CAMTA1: variants seen among roughly 807,000 people sequenced by gnomAD.
CAMTA1 encodes calmodulin binding transcription activator 1.
CAMTA1 carries 27 observed loss-of-function variants against 170.9 expected under a neutral mutation model. The observed-to-expected ratio is 0.16, with a 90% CI of 0.12 to 0.22. CAMTA1 has a LOEUF of 0.22. Ranked by LOEUF, CAMTA1 falls within the 10% of genes least tolerant of loss-of-function variation. The probability of loss-of-function intolerance (pLI) is 1.00; values close to 1 mark genes in which losing one functional copy is unlikely to be tolerated. For missense variants in CAMTA1, 1,619 were observed against 2,217.2 expected (o/e 0.73, Z 5.42); for synonymous variants, 833 against 891.5 (o/e 0.93, Z 1.17).
At chr1:7,262,847 GT>G (rs1328596008) in intron 5 of CAMTA1, among the ~76,000 whole-genome samples, 1 of 152,156 alleles carries the variant, frequency 6.6e-6, no homozygotes, top group Non-Finnish European at 1.5e-5. Context: ...AGCACTTCTG[GT>G]GTCTGATGAA....
intron 11 of CAMTA1, among the ~76,000 whole-genome samples, chr1:7,683,032 G>A (rs542633930): frequency 1.5e-4 from 23 of 152,150 alleles, no homozygotes; most frequent in African/African-American, 4.3e-4. Flanking sequence ...AAAATTAGCC[G>A]GGCGTGGTGG....
intron 6 of CAMTA1, among the ~76,000 whole-genome samples, chr1:7,493,851 C>T (rs1212315140): frequency 4.6e-5 from 7 of 152,134 alleles, no homozygotes; most frequent in South Asian, 2.1e-4. Flanking sequence ...TTGGGGGTCA[C>T]GTGGCACCTG....
At position 7,738,968 on chromosome 1, in the gene CAMTA1, C is replaced by T. The variant is rs114035589; in HGVS notation, c.4182+486C>T. On this transcript the variant is annotated intron_variant, in intron 16 of 22. Coordinates refer to ENST00000303635, the MANE Select transcript of CAMTA1 (RefSeq NM_015215.4). This position sits in a 1 kb window ranked among gnomAD's most constrained non-coding sequence, Gnocchi z 4.9. Reference sequence around the variant, plus strand: ...TGGCGTGAGGCTCTCACGAGGGCAGCGAAATATTCCTGAAGCTGATAATTG... The same window carrying T: ...TGGCGTGAGGCTCTCACGAGGGCAGTGAAATATTCCTGAAGCTGATAATTG... 4.4e-3 allele frequency among the ~76,000 whole-genome samples: 668 copies of T among 152,088 alleles called. 5 individuals carry two copies. Among genetic ancestry groups the T allele is most frequent in the African/African-American group, 0.015 (639 of 41,488 alleles).
chr1:7,356,019 C>T (rs2085086927), intron 5 of CAMTA1, among the ~76,000 whole-genome samples: 1 of 152,246 alleles, frequency 6.6e-6, no homozygotes, highest in African/African-American at 2.4e-5. Flanking sequence ...GAAAGGTTCA[C>T]CAACCATCCA....
chr1:7,025,353 TC>T (rs1172886613), intron 3 of CAMTA1, among the ~76,000 whole-genome samples: 1 of 152,194 alleles, frequency 6.6e-6, no homozygotes, highest in Non-Finnish European at 1.5e-5. Flanking sequence ...GGAAGGGTGG[TC>T]CCATCATCAG....
chr1:7,767,665 A>G lies in CAMTA1; in HGVS notation c.*1174A>G, dbSNP rs1209866727. The G allele has an allele frequency of 6.6e-6, 1 of 151,972 alleles. No individual in the cohort carries two copies. The highest frequency in any genetic ancestry group is 2.4e-5 in the African/African-American group (1 of 41,410). 9.4% of individuals were successfully genotyped at this position (151,972 alleles called of 1,614,324 possible). On this transcript the variant is annotated 3_prime_UTR_variant, in exon 23 of 23. Coordinates refer to ENST00000303635, the MANE Select transcript of CAMTA1 (RefSeq NM_015215.4). The stretch of plus-strand genomic sequence containing the variant: ...AAAAATGTGGATGTACTGTTTGTAT[A>G]TATTGTATATATTAAAACAGAGATA...
At chr1:6,891,545 G>A (rs1674496557) in intron 3 of CAMTA1, among the ~76,000 whole-genome samples, 1 of 152,132 alleles carries the variant, frequency 6.6e-6, no homozygotes, top group South Asian at 2.1e-4. Context: ...AATGAGTTGT[G>A]CAGCCTAAGG....
chr1:6,916,820 G>A (rs17030057), intron 3 of CAMTA1, among the ~76,000 whole-genome samples: 8,908 of 152,304 alleles, frequency 0.058, 628 homozygotes, highest in Admixed American at 0.23. Flanking sequence ...CACTTATTCC[G>A]TGCAGATGTC....
chr1:7,560,434 A>C (rs1557917063), intron 6 of CAMTA1, among the ~76,000 whole-genome samples: 1 of 151,946 alleles, frequency 6.6e-6, no homozygotes, highest in Admixed American at 6.5e-5. Flanking sequence ...AGCCGGGAAC[A>C]TGAGATGTTT....
At chr1:7,375,343 C>T (rs1051128512) in intron 5 of CAMTA1, among the ~76,000 whole-genome samples, 1 of 152,162 alleles carries the variant, frequency 6.6e-6, no homozygotes, top group African/African-American at 2.4e-5. Context: ...AACCCAGCCC[C>T]TGACCCGAAA....
At position 7,467,678 on chromosome 1, in the gene CAMTA1, G is replaced by A. The variant is rs531823965; in HGVS notation, c.439-152G>A. 2.7e-4 allele frequency: 206 copies of A among 768,088 alleles called. 1 individual carries two copies. Among genetic ancestry groups the A allele is most frequent in the Admixed American group, 1.4e-3 (75 of 54,616 alleles). The allele number at this position is 768,088 out of a possible 1,614,324, so 47.6% of individuals were successfully genotyped here. On this transcript the variant is annotated intron_variant, in intron 5 of 22. Coordinates refer to ENST00000303635, the MANE Select transcript of CAMTA1 (RefSeq NM_015215.4). ...GGTGCTGTCCCAGAGCCTTAGTCTT[G>A]GAGCTGGAGCCAGACGCAGAGGTGC...
chr1:7,434,003 C>T (rs1007220850), intron 5 of CAMTA1, among the ~76,000 whole-genome samples: 1 of 152,150 alleles, frequency 6.6e-6, no homozygotes, highest in South Asian at 2.1e-4. Flanking sequence ...GGACCTTGGG[C>T]TTCACTGCTG....
chr1:7,392,537 G>C (rs1340448194), intron 5 of CAMTA1, among the ~76,000 whole-genome samples: 1 of 146,304 alleles, frequency 6.8e-6, no homozygotes, highest in Non-Finnish European at 1.5e-5. Flanking sequence ...TTACAGGCAT[G>C]AGCCACGGCA....
intron 5 of CAMTA1, among the ~76,000 whole-genome samples, chr1:7,408,193 C>G (rs769221507): frequency 2.1e-5 from 1 of 47,080 alleles, no homozygotes; most frequent in Non-Finnish European, 3.9e-5. Context: ...AGGGGGAAAT[C>G]GGAGACCAGG....
chr1:6,969,268 G>T (rs1392518808), intron 3 of CAMTA1, among the ~76,000 whole-genome samples: 2 of 152,206 alleles, frequency 1.3e-5, no homozygotes, highest in African/African-American at 2.4e-5. Context: ...TGGAGTCTGG[G>T]CAGGAAGGAG....
chr1:7,007,020 A>AC lies in CAMTA1; in HGVS notation c.235-84284_235-84283insC, dbSNP rs1553214804. ...AGATGGTAGTAAAAAAAAAAAAAAA[A>AC]AATAAGAATTTTTGGATACGGTATT... is the stretch of plus-strand genomic sequence containing the variant. On this transcript the variant is annotated intron_variant, in intron 3 of 22. Coordinates refer to ENST00000303635, the MANE Select transcript of CAMTA1 (RefSeq NM_015215.4). This position sits in a 1 kb window ranked among gnomAD's most constrained non-coding sequence, Gnocchi z 4.5. Among the ~76,000 whole-genome samples the AC allele has an allele frequency of 7.2e-3, 1,089 of 150,376 alleles. 8 individuals are homozygous for AC. The highest frequency in any genetic ancestry group is 0.019 in the African/African-American group (792 of 40,824).
chr1:7,641,910 C>G lies in CAMTA1; in HGVS notation c.664+1357C>G, dbSNP rs768787049. ...AACCACTCAATGCCCATTCAATGCA[C>G]GCTCAATGCCCAAGCTCCTGAGCAC... On this transcript the variant is annotated intron_variant, in intron 7 of 22. Coordinates refer to ENST00000303635, the MANE Select transcript of CAMTA1 (RefSeq NM_015215.4). This position sits in a 1 kb window ranked among gnomAD's most constrained non-coding sequence, Gnocchi z 4.5. Among the ~76,000 whole-genome samples, 2 of 152,142 alleles carry G rather than the reference C, an allele frequency of 1.3e-5. No individual in the cohort carries two copies. Among genetic ancestry groups the G allele is most frequent in the East Asian group, 1.9e-4 (1 of 5,186 alleles).
At chr1:7,263,624 T>G (rs917504736) in intron 5 of CAMTA1, among the ~76,000 whole-genome samples, 1 of 152,134 alleles carries the variant, frequency 6.6e-6, no homozygotes, top group Non-Finnish European at 1.5e-5. Context: ...TTTTCCCGGG[T>G]GTAAGGAGCT....
intron 5 of CAMTA1, among the ~76,000 whole-genome samples, chr1:7,275,146 C>CAA (rs1340599304): frequency 0.29 from 23,721 of 83,032 alleles, 4,160 homozygotes; most frequent in Middle Eastern, 0.38. Flanking sequence ...GATTCCATCT[C>CAA]AAAAAAAAAA....
Sources: allele counts gnomAD v4.1 joint callset (sites outside exome capture counted in the v4.1 genomes callset), GRCh38; gene constraint gnomAD v4.1.1; non-coding constraint Gnocchi (gnomAD v3.1); transcripts MANE v1.5; gene names NCBI Gene and HGNC (gene_info 2026-07-23, HGNC 2026-07-21).